Variants in PLCL1 observed in about 807,000 individuals in gnomAD.
The protein encoded by PLCL1 is inactive phospholipase C-like protein 1.
In PLCL1, 41 loss-of-function variants were observed where a neutral mutation model predicts 84.4. The ratio of observed to expected loss-of-function variants is 0.49; its 90% CI spans 0.38 to 0.63. The LOEUF (loss-of-function observed/expected upper bound fraction) is 0.63. PLCL1 is among the 30% of genes least tolerant of loss of function. PLCL1 has a pLI of 0.00. For synonymous variants in PLCL1, 490 were observed against 488.3 expected (o/e 1.00, Z -0.05); for missense variants, 1,206 against 1,367.8 (o/e 0.88, Z 1.87).
chr2:198,018,080 G>T (rs1691041790), intron 1 of PLCL1, among the ~76,000 whole-genome samples: 1 of 152,142 alleles, frequency 6.6e-6, no homozygotes, highest in Non-Finnish European at 1.5e-5. Context: ...GCCCATGGAG[G>T]GCGAGCAGAA....
At chr2:198,090,049 A>T (rs912076291) in intron 3 of PLCL1, among the ~76,000 whole-genome samples, 2 of 152,144 alleles carry the variant, frequency 1.3e-5, no homozygotes, top group Non-Finnish European at 2.9e-5. Context: ...TAAAATGCTT[A>T]CGAGTTTGAT....
intron 1 of PLCL1, among the ~76,000 whole-genome samples, chr2:197,977,233 C>A (rs545670662): frequency 6.6e-6 from 1 of 152,130 alleles, no homozygotes; most frequent in Non-Finnish European, 1.5e-5. Context: ...GTTAATTTAG[C>A]GATCCAATAA....
chr2:197,986,596 G>A (rs895124259), intron 1 of PLCL1, among the ~76,000 whole-genome samples: 23 of 152,216 alleles, frequency 1.5e-4, no homozygotes, highest in Non-Finnish European at 2.2e-4. Flanking sequence ...CAATCCTCCC[G>A]CCTCAGCCTA....
intron 1 of PLCL1, among the ~76,000 whole-genome samples, chr2:198,008,640 A>G (rs1485997444): frequency 6.6e-6 from 1 of 151,508 alleles, no homozygotes; most frequent in African/African-American, 2.4e-5. Flanking sequence ...TCTCTTGGCT[A>G]TTGAGAATAA....
intron 1 of PLCL1, among the ~76,000 whole-genome samples, chr2:197,893,363 A>G (rs972870185): frequency 5.3e-5 from 8 of 152,344 alleles, no homozygotes; most frequent in African/African-American, 1.9e-4. Flanking sequence ...GAGTAAATTC[A>G]GTGCCATAGT....
intron 1 of PLCL1, among the ~76,000 whole-genome samples, chr2:197,843,568 C>T (rs534504739): frequency 6.6e-6 from 1 of 152,206 alleles, no homozygotes; most frequent in Non-Finnish European, 1.5e-5. Context: ...TGAGAATCCA[C>T]AAGGAAAATC....
At chr2:198,123,573 G>A (rs1574328903) in intron 5 of PLCL1, among the ~76,000 whole-genome samples, 2 of 152,096 alleles carry the variant, frequency 1.3e-5, no homozygotes, top group African/African-American at 4.8e-5. Context: ...AAGCAGTGAG[G>A]TCTCAGAAGA....
At chr2:197,900,102 ATG>A (rs1247780844) in intron 1 of PLCL1, among the ~76,000 whole-genome samples, 1 of 152,156 alleles carries the variant, frequency 6.6e-6, no homozygotes, top group East Asian at 1.9e-4. Flanking sequence ...CCTGACATAC[ATG>A]TGTTTATTGT....
intron 5 of PLCL1, among the ~76,000 whole-genome samples, chr2:198,126,622 A>G (rs562460799): frequency 6.6e-6 from 1 of 152,192 alleles, no homozygotes; most frequent in South Asian, 2.1e-4. Context: ...TGATAGAGCC[A>G]GGCCAAGCGC....
rs149113294 is a variant in PLCL1, at chr2:197,834,728, G to C, written c.240+29389G>C. The stretch of plus-strand genomic sequence containing the variant: ...AGTGTAAATTAGTTCAACCATTGTG[G>C]AAGACAGTGTGGCAATTCCTCAAGG... On this transcript the variant is annotated intron_variant, in intron 1 of 5. Coordinates refer to ENST00000428675, the MANE Select transcript of PLCL1 (RefSeq NM_006226.4). Among the ~76,000 whole-genome samples, 7 of 152,320 alleles carry C rather than the reference G, an allele frequency of 4.6e-5. No homozygotes were observed. The East Asian group carries it at 1.4e-3, about 29-fold the overall frequency.
At chr2:198,039,887 A>G (rs770281006) in intron 1 of PLCL1, among the ~76,000 whole-genome samples, 3 of 152,288 alleles carry the variant, frequency 2.0e-5, no homozygotes, top group Non-Finnish European at 4.4e-5. Flanking sequence ...TAGAAAATGT[A>G]TGGTACCATA....
intron 1 of PLCL1, among the ~76,000 whole-genome samples, chr2:197,844,632 A>G (rs1437697233): frequency 6.6e-6 from 1 of 152,058 alleles, no homozygotes; most frequent in East Asian, 1.9e-4. Flanking sequence ...TAATCTCTTC[A>G]TGGAAATTGT....
At chr2:197,908,893 G>T (rs1375799593) in intron 1 of PLCL1, among the ~76,000 whole-genome samples, 6 of 152,018 alleles carry the variant, frequency 3.9e-5, no homozygotes, top group Non-Finnish European at 7.4e-5. Flanking sequence ...TCTTATAATT[G>T]ATTTAAGAAT....
chr2:197,945,218 A>T (rs769227370), intron 1 of PLCL1, among the ~76,000 whole-genome samples: 10 of 152,216 alleles, frequency 6.6e-5, no homozygotes, highest in Non-Finnish European at 1.3e-4. Context: ...GAATTACAGC[A>T]GTTCATGGCA....
chr2:198,086,274 T>C (rs1448239877), intron 2 of PLCL1, 42 bp downstream of exon 2: 1 of 1,291,784 alleles, frequency 7.7e-7, no homozygotes, highest in South Asian at 1.3e-5. Flanking sequence ...TCCCTGCTTA[T>C]TCCTACCCGT....
chr2:198,088,862 C>T lies in PLCL1; in HGVS notation c.2720C>T (p.Ala907Val). Residue 907 changes from alanine (A) to valine (V), a missense_variant, in exon 3 of 6, where the codon GCA becomes GTA. Physicochemically the swap from Ala to Val is moderately conservative, Grantham distance 64 (BLOSUM62 0). Coordinates refer to ENST00000428675, the MANE Select transcript of PLCL1 (RefSeq NM_006226.4). ...AIDMRENMQN[A>V]IVSIKELCGL... Reference sequence around the variant, plus strand: ...TCCATGTTTTCTTCCTCACAGAATGCAATCGTGTCTATTAAGGAACTATGT... The same window carrying T: ...TCCATGTTTTCTTCCTCACAGAATGTAATCGTGTCTATTAAGGAACTATGT... 6.3e-7 allele frequency: 1 copy of T among 1,597,474 alleles called. No homozygotes were observed. The highest frequency in any genetic ancestry group is 8.6e-7 in the Non-Finnish European group (1 of 1,164,894).
chr2:197,843,215 G>T (rs1207584931), intron 1 of PLCL1, among the ~76,000 whole-genome samples: 1 of 152,122 alleles, frequency 6.6e-6, no homozygotes, highest in Non-Finnish European at 1.5e-5. Flanking sequence ...TGCAATGATC[G>T]ACTAGTAATG....
chr2:198,018,792 C>T (rs1691060696), intron 1 of PLCL1, among the ~76,000 whole-genome samples: 1 of 152,202 alleles, frequency 6.6e-6, no homozygotes, highest in Admixed American at 6.5e-5. Flanking sequence ...GAAGGGGCGG[C>T]TGTAGGCGCA....
rs570937458 is a variant in PLCL1, at chr2:197,928,317, A to G, written c.240+122978A>G. Reference sequence around the variant, plus strand: ...GACTCTGTACTCAGTGGCATTAAGCAAGCAAATGTTGCTTATTTTTCACTA... The same window carrying G: ...GACTCTGTACTCAGTGGCATTAAGCGAGCAAATGTTGCTTATTTTTCACTA... On this transcript the variant is annotated intron_variant, in intron 1 of 5. Transcript: ENST00000428675. Among the ~76,000 whole-genome samples, 11 of 152,274 alleles carry G rather than the reference A, an allele frequency of 7.2e-5. No homozygotes were observed. In the South Asian group the frequency reaches 2.3e-3, roughly 32 times the overall value.
Sources: gnomAD v4.1 joint callset for allele counts (sites outside exome capture counted in the v4.1 genomes callset) on GRCh38, gnomAD v4.1.1 for gene constraint, MANE v1.5 for transcripts, NCBI Gene and HGNC (gene_info 2026-07-23, HGNC 2026-07-21) for gene names.